MGAT5: variants seen among roughly 807,000 people sequenced by gnomAD.
MGAT5 encodes the protein alpha-1,6-mannosylglycoprotein 6-beta-N-acetylglucosaminyltransferase, also known as alpha-1,6-mannosylglycoprotein 6-beta-N-acetylglucosaminyltransferase A.
Under a neutral mutation model 94.3 loss-of-function variants are expected in MGAT5, and 30 were observed. That is an observed-to-expected ratio of 0.32 (90% CI 0.24 to 0.43). The LOEUF is 0.43. Among genes scored for constraint, MGAT5 ranks in the 20% least tolerant of loss-of-function variants. The pLI is 1.00. For synonymous variants in MGAT5, 310 were observed against 322.9 expected, an observed-to-expected ratio of 0.96 and a Z score of 0.43; for missense variants, 691 against 905.5, an observed-to-expected ratio of 0.76 and a Z score of 3.04.
intron 1 of MGAT5, among the ~76,000 whole-genome samples, chr2:134,228,864 G>A (rs1421111364): frequency 2.0e-5 from 3 of 152,170 alleles, no homozygotes; most frequent in African/African-American, 7.2e-5. Context: ...TTGTAGTTGT[G>A]TCTTCTCCAA....
intron 10 of MGAT5, among the ~76,000 whole-genome samples, chr2:134,368,154 G>T (rs1299762500): frequency 6.6e-6 from 1 of 152,226 alleles, no homozygotes; most frequent in Non-Finnish European, 1.5e-5. Context: ...ACCCTGGAGG[G>T]AGTGAGTCTG....
chr2:134,257,316 C>A (rs1683030130), intron 1 of MGAT5, among the ~76,000 whole-genome samples: 1 of 152,046 alleles, frequency 6.6e-6, no homozygotes, highest in Non-Finnish European at 1.5e-5. Context: ...CACTGCAACA[C>A]CCACCTCCTG....
intron 1 of MGAT5, among the ~76,000 whole-genome samples, chr2:134,161,734 G>A (rs1687743088): frequency 1.3e-5 from 2 of 152,080 alleles, no homozygotes; most frequent in African/African-American, 4.8e-5. Context: ...TTTTCTCTCA[G>A]CACTTCCGGC....
intron 3 of MGAT5, among the ~76,000 whole-genome samples, chr2:134,317,926 G>A (rs1687093002): frequency 6.6e-6 from 1 of 152,164 alleles, no homozygotes; most frequent in South Asian, 2.1e-4. Flanking sequence ...AAGGACCAAT[G>A]ACAAGGAACT....
chr2:134,143,003 G>C (rs1686732553), intron 1 of MGAT5, among the ~76,000 whole-genome samples: 1 of 152,126 alleles, frequency 6.6e-6, no homozygotes, highest in Non-Finnish European at 1.5e-5. Context: ...CAGGCCGGAG[G>C]GGGCATGGGG....
chr2:134,235,938 C>T lies in MGAT5; in HGVS notation c.-142-18324C>T, dbSNP rs1481433372. 2.0e-5 allele frequency among the ~76,000 whole-genome samples: 3 copies of T among 152,174 alleles called. No homozygotes were observed. The East Asian group carries it at 5.8e-4, about 29-fold the overall frequency. ...CTGTAACTCAGTTTCTGTCTTGCTCCCCCTCCCCTTCCTACCACGATCACA... is the reference window on the plus strand; with the variant it reads ...CTGTAACTCAGTTTCTGTCTTGCTCTCCCTCCCCTTCCTACCACGATCACA... On this transcript the variant is annotated intron_variant, in intron 1 of 16. Transcript: ENST00000409645.
chr2:134,306,332 GTTTTGTCT>G (rs1402619734), intron 2 of MGAT5, among the ~76,000 whole-genome samples: 1 of 152,088 alleles, frequency 6.6e-6, no homozygotes, highest in Non-Finnish European at 1.5e-5. Flanking sequence ...TACAAACTCA[GTTTTGTCT>G]TCCAGTCTCA....
At chr2:134,129,797 C>T (rs1043518071) in intron 1 of MGAT5, among the ~76,000 whole-genome samples, 1 of 152,102 alleles carries the variant, frequency 6.6e-6, no homozygotes, top group Non-Finnish European at 1.5e-5. Flanking sequence ...TAGCAGCCCT[C>T]GCTCGCTCTC....
At chr2:134,342,299 C>T (rs1163598144) in intron 7 of MGAT5, among the ~76,000 whole-genome samples, 1 of 152,124 alleles carries the variant, frequency 6.6e-6, no homozygotes, top group Non-Finnish European at 1.5e-5. Context: ...TCCTGTAATC[C>T]CTTCTATATT....
intron 15 of MGAT5, among the ~76,000 whole-genome samples, chr2:134,447,075 G>A (rs1372110255): frequency 3.3e-5 from 5 of 152,170 alleles, no homozygotes; most frequent in South Asian, 2.1e-4. Flanking sequence ...ATATGCATAC[G>A]CATGCACGCA....
At chr2:134,333,044 A>G (rs1688082534) in intron 4 of MGAT5, among the ~76,000 whole-genome samples, 1 of 152,194 alleles carries the variant, frequency 6.6e-6, no homozygotes, top group Non-Finnish European at 1.5e-5. Context: ...TCAGGGATCT[A>G]GAACTAGAAA....
At chr2:134,446,336 G>A (rs930942161) in intron 15 of MGAT5, among the ~76,000 whole-genome samples, 12 of 151,938 alleles carry the variant, frequency 7.9e-5, no homozygotes, top group Non-Finnish European at 1.2e-4. Context: ...TATATTCCTC[G>A]CCATGGGGTC....
intron 1 of MGAT5, among the ~76,000 whole-genome samples, chr2:134,264,119 T>A (rs1054511510): frequency 2.7e-5 from 4 of 145,576 alleles, no homozygotes; most frequent in Non-Finnish European, 4.4e-5. Flanking sequence ...GCCTCCCAGG[T>A]TCAAGCGATT....
intron 1 of MGAT5, among the ~76,000 whole-genome samples, chr2:134,197,901 G>T (rs1378311910): frequency 6.6e-6 from 1 of 152,130 alleles, no homozygotes; most frequent in African/African-American, 2.4e-5. Context: ...CCAGAGGTTG[G>T]GTAGATTTTT....
intron 1 of MGAT5, among the ~76,000 whole-genome samples, chr2:134,149,870 A>G (rs1046220772): frequency 6.6e-6 from 1 of 152,242 alleles, no homozygotes; most frequent in African/African-American, 2.4e-5. Flanking sequence ...GAGACCTGGA[A>G]CAGTGGAGGA....
rs893407649 is a variant in MGAT5 at position 134,338,566 on chromosome 2, T to G, written c.807+146T>G. 2.4e-5 allele frequency: 21 copies of G among 870,774 alleles called. 1 individual carries two copies. The highest frequency in any genetic ancestry group is 1.8e-5 in the Non-Finnish European group (11 of 604,894). 53.9% of individuals were successfully genotyped at this position (870,774 alleles called of 1,614,324 possible). A position where few individuals can be genotyped will look rare whatever the true frequency, so the allele number is the denominator to read the frequency against. On this transcript the variant is annotated intron_variant, in intron 6 of 15. Transcript: ENST00000281923. ...GCTCAGTCTCTTGTACAGCTGTTTT[T>G]GGGTTGTCCTTTCCCCACTTACAAT...
At position 134,450,814 on chromosome 2, in the gene MGAT5, GT is replaced by G; in HGVS notation, c.*1968del. On this transcript the variant is annotated 3_prime_UTR_variant, in exon 16 of 16. Transcript: ENST00000281923. ...TGTGTGTGTGTGTGTGTGTGTGTGT[GT>G]GTGTGTGTGTGTGTGTATGAGCCTG... 1 of 136,038 alleles carries G rather than the reference GT, an allele frequency of 7.4e-6. No homozygotes were observed. The highest frequency in any genetic ancestry group is 2.3e-4 in the East Asian group (1 of 4,290). The allele number at this position is 136,038 out of a possible 1,614,324, so 8.4% of individuals were successfully genotyped here.
At chr2:134,307,017 G>A (rs569124750) in intron 2 of MGAT5, among the ~76,000 whole-genome samples, 3 of 152,254 alleles carry the variant, frequency 2.0e-5, no homozygotes, top group Non-Finnish European at 4.4e-5. Context: ...TGGCCAGATA[G>A]TATCTTACGA....
At chr2:134,385,193 A>G (rs1681895199) in intron 10 of MGAT5, among the ~76,000 whole-genome samples, 1 of 152,250 alleles carries the variant, frequency 6.6e-6, no homozygotes, top group Non-Finnish European at 1.5e-5. Flanking sequence ...TGTTTACATC[A>G]TTTCCTACTT....
Sources: gnomAD v4.1 joint callset for allele counts (sites outside exome capture counted in the v4.1 genomes callset) on GRCh38, gnomAD v4.1.1 for gene constraint, MANE v1.5 for transcripts, NCBI Gene and HGNC (gene_info 2026-07-23, HGNC 2026-07-21) for gene names.